The following MECOM variants were observed in gnomAD, a reference collection of about 807,000 sequenced individuals.
MECOM encodes the protein histone-lysine N-methyltransferase MECOM.
Under a neutral mutation model 116.3 loss-of-function variants are expected in MECOM, and 13 were observed. The observed-to-expected ratio is 0.11, with a 90% CI of 0.07 to 0.18. The LOEUF is 0.18. Ranked by LOEUF, MECOM falls within the 10% of genes least tolerant of loss-of-function variation. The pLI is 1.00. For missense variants in MECOM, 1,299 were observed against 1,509.0 expected (o/e 0.86, Z 2.31); for synonymous variants, 528 against 535.2 (o/e 0.99, Z 0.19).
intron 2 of MECOM, among the ~76,000 whole-genome samples, chr3:169,342,288 A>G (rs1467352099): frequency 6.6e-6 from 1 of 151,934 alleles, no homozygotes; most frequent in Non-Finnish European, 1.5e-5. Context: ...TATATAAAAT[A>G]TCTGTTATAT....
chr3:169,246,688 AT>A (rs1475991438), intron 2 of MECOM, among the ~76,000 whole-genome samples: 2 of 151,900 alleles, frequency 1.3e-5, no homozygotes, highest in Non-Finnish European at 2.9e-5. Flanking sequence ...TGCCCAGCTA[AT>A]TTTTGTATTT....
At chr3:169,255,883 T>C (rs1312736943) in intron 2 of MECOM, among the ~76,000 whole-genome samples, 2 of 152,200 alleles carry the variant, frequency 1.3e-5, no homozygotes, top group African/African-American at 2.4e-5. Context: ...GATCATTTTG[T>C]TAAGTATACA....
intron 1 of MECOM, among the ~76,000 whole-genome samples, chr3:169,504,150 A>AGT (rs3044764): frequency 0.19 from 25,708 of 132,266 alleles, 2,963 homozygotes; most frequent in Middle Eastern, 0.29. Flanking sequence ...GAAAAAGAGA[A>AGT]GTGTGTGTGT....
intron 1 of MECOM, among the ~76,000 whole-genome samples, chr3:169,446,283 T>C (rs1314645675): frequency 2.6e-5 from 4 of 152,100 alleles, no homozygotes; most frequent in Admixed American, 6.5e-5. Context: ...GGGGAGGTAA[T>C]TGAATCATGG....
At chr3:169,139,286 C>G (rs921905570) in intron 3 of MECOM, among the ~76,000 whole-genome samples, 21 of 152,020 alleles carry the variant, frequency 1.4e-4, no homozygotes, top group African/African-American at 4.8e-4. Context: ...CTGTCAAGGG[C>G]CTACTTAAAA....
intron 1 of MECOM, among the ~76,000 whole-genome samples, chr3:169,383,528 T>G (rs1732820982): frequency 1.3e-5 from 2 of 152,220 alleles, no homozygotes; most frequent in African/African-American, 4.8e-5. Context: ...TTGTTCTTCT[T>G]GCAAGATTCT....
chr3:169,592,798 A>G (rs1306488470), intron 1 of MECOM, among the ~76,000 whole-genome samples: 3 of 149,838 alleles, frequency 2.0e-5, no homozygotes, highest in Non-Finnish European at 2.9e-5. Context: ...ATTTTCCACA[A>G]TTACATGTAT....
At chr3:169,149,548 C>T (rs1345106891) in intron 2 of MECOM, 1 of 298,478 alleles carries the variant, frequency 3.4e-6, no homozygotes, top group Non-Finnish European at 7.0e-6. Context: ...CCAGGTGAAC[C>T]CGCCTCTGCC....
At chr3:169,463,559 A>T (rs924107178) in intron 1 of MECOM, among the ~76,000 whole-genome samples, 3 of 152,208 alleles carry the variant, frequency 2.0e-5, no homozygotes, top group African/African-American at 7.2e-5. Context: ...GAATGGGAAC[A>T]GAATAAAAAT....
At chr3:169,385,862 A>G (rs769582904) in intron 1 of MECOM, among the ~76,000 whole-genome samples, 2 of 152,208 alleles carry the variant, frequency 1.3e-5, no homozygotes, top group South Asian at 2.1e-4. Flanking sequence ...GGTAAGTATC[A>G]GGTAAGAAGT....
At chr3:169,492,414 G>T (rs1317448584) in intron 1 of MECOM, among the ~76,000 whole-genome samples, 1 of 152,100 alleles carries the variant, frequency 6.6e-6, no homozygotes, top group East Asian at 1.9e-4. Context: ...CTCAGGACTT[G>T]TCATCCACTG....
At chr3:169,385,382 A>G (rs1461522291) in intron 1 of MECOM, among the ~76,000 whole-genome samples, 2 of 152,198 alleles carry the variant, frequency 1.3e-5, no homozygotes, top group Non-Finnish European at 2.9e-5. Context: ...CAAATCCACA[A>G]GAAGAACTCA....
chr3:169,361,607 A>T (rs567410265), intron 2 of MECOM, among the ~76,000 whole-genome samples: 1 of 152,014 alleles, frequency 6.6e-6, no homozygotes, highest in East Asian at 1.9e-4. Flanking sequence ...TATGAGGTAG[A>T]TCCTATTGTT....
intron 1 of MECOM, among the ~76,000 whole-genome samples, chr3:169,501,946 G>A (rs1754593160): frequency 1.3e-5 from 2 of 151,986 alleles, no homozygotes; most frequent in South Asian, 4.1e-4. Flanking sequence ...TAATTATACT[G>A]GCTGAAATCC....
At chr3:169,191,712 GAAAGAAAAAAAGAAAGAAAGAAAGAA>G (rs1747592482) in intron 2 of MECOM, among the ~76,000 whole-genome samples, 1 of 44,264 alleles carries the variant, frequency 2.3e-5, no homozygotes, top group African/African-American at 6.1e-5. Context: ...AAGAAAGAAA[GAAAGAAAAAAAGAAAGAAAGAAAGAA>G]AGAGAAAGAA....
chr3:169,418,608 A>G (rs536058667), intron 1 of MECOM, among the ~76,000 whole-genome samples: 1 of 152,166 alleles, frequency 6.6e-6, no homozygotes, highest in East Asian at 1.9e-4. Flanking sequence ...AAATCAATAA[A>G]CGTAATCCAT....
intron 1 of MECOM, 150 bp downstream of exon 1, chr3:169,663,186 C>T: frequency 1.2e-6 from 1 of 850,486 alleles, no homozygotes; most frequent in Non-Finnish European, 1.9e-6. Context: ...AGACTGGAAC[C>T]GGCAGGTTGC....
rs535302063 is a variant in MECOM at position 169,195,547 on chromosome 3, G to A, written c.376-51715C>T. Reference sequence around the variant, plus strand: ...AGGTTGTGAGATAACTTTTATTAACGCCAGTTAATTCCTTCCTCAGGCCTG... The same window carrying A: ...AGGTTGTGAGATAACTTTTATTAACACCAGTTAATTCCTTCCTCAGGCCTG... On this transcript the variant is annotated intron_variant, in intron 2 of 16. Transcript: ENST00000651503. 7.9e-5 allele frequency among the ~76,000 whole-genome samples: 12 copies of A among 152,088 alleles called. No individual in the cohort carries two copies. In the East Asian group the frequency reaches 1.9e-3, roughly 25 times the overall value.
chr3:169,145,181 C>A, intron 2 of MECOM: 1 of 189,204 alleles, frequency 5.3e-6, no homozygotes, highest in Non-Finnish European at 1.1e-5. Context: ...CACACACACA[C>A]ACACACACAG....
Sources: allele counts gnomAD v4.1 joint callset (sites outside exome capture counted in the v4.1 genomes callset), GRCh38; gene constraint gnomAD v4.1.1; transcripts MANE v1.5; gene names NCBI Gene and HGNC (gene_info 2026-07-23, HGNC 2026-07-21).